LRMDA: variants seen among roughly 807,000 people sequenced by gnomAD.
LRMDA encodes the protein leucine-rich melanocyte differentiation-associated protein.
In LRMDA, 18 loss-of-function variants were observed where a neutral mutation model predicts 29.8. That is an observed-to-expected ratio of 0.60 (90% CI 0.42 to 0.90). LRMDA has a LOEUF of 0.90. Ranked by LOEUF, LRMDA falls within the 40% of genes least tolerant of loss-of-function variation. LRMDA has a pLI of 0.00. For synonymous variants in LRMDA, 125 were observed against 109.4 expected, an observed-to-expected ratio of 1.14 and a Z score of -0.89; for missense variants, 273 against 273.9, an observed-to-expected ratio of 1.00 and a Z score of 0.02.
At chr10:76,485,011 A>G (rs1170971935) in intron 6 of LRMDA, among the ~76,000 whole-genome samples, 1 of 151,346 alleles carries the variant, frequency 6.6e-6, no homozygotes, top group Non-Finnish European at 1.5e-5. Context: ...CCCATTTTCA[A>G]CCTGTTTCTG....
chr10:76,496,684 A>G (rs1655566767), intron 6 of LRMDA, among the ~76,000 whole-genome samples: 1 of 75,264 alleles, frequency 1.3e-5, no homozygotes, highest in African/African-American at 3.2e-5. Context: ...AAAGAGACAT[A>G]GGCCAAGTTA....
intron 2 of LRMDA, among the ~76,000 whole-genome samples, chr10:75,556,937 C>T (rs1410784000): frequency 6.6e-6 from 1 of 151,372 alleles, no homozygotes; most frequent in African/African-American, 2.4e-5. Context: ...AAATTCTAAA[C>T]TAAAATTCTA....
chr10:75,997,741 C>A (rs1248047026), intron 2 of LRMDA, among the ~76,000 whole-genome samples: 1 of 152,208 alleles, frequency 6.6e-6, no homozygotes, highest in Non-Finnish European at 1.5e-5. Flanking sequence ...AGGACAGCAC[C>A]TTGGCAAAGC....
At chr10:75,845,601 G>A (rs966630456) in intron 2 of LRMDA, among the ~76,000 whole-genome samples, 2 of 152,202 alleles carry the variant, frequency 1.3e-5, no homozygotes, top group African/African-American at 2.4e-5. Context: ...AGGATGCCAG[G>A]TAGCTGCAGA....
At chr10:76,456,440 A>T (rs1842457640) in intron 6 of LRMDA, among the ~76,000 whole-genome samples, 1 of 152,162 alleles carries the variant, frequency 6.6e-6, no homozygotes, top group Non-Finnish European at 1.5e-5. Flanking sequence ...GGACCACGTG[A>T]TGTGGCTCCA....
chr10:75,674,742 A>T (rs1000920360), intron 2 of LRMDA, among the ~76,000 whole-genome samples: 2 of 152,094 alleles, frequency 1.3e-5, no homozygotes, highest in African/African-American at 4.8e-5. Context: ...CTTTGCTTTT[A>T]TTAATTCTGC....
intron 5 of LRMDA, among the ~76,000 whole-genome samples, chr10:76,089,739 C>T (rs1849199274): frequency 1.3e-5 from 2 of 152,298 alleles, no homozygotes; most frequent in South Asian, 4.1e-4. Context: ...AGCCTCCCTC[C>T]CCATCTTTCA....
intron 2 of LRMDA, among the ~76,000 whole-genome samples, chr10:75,842,763 G>A (rs1241507528): frequency 6.6e-6 from 1 of 151,974 alleles, no homozygotes; most frequent in Non-Finnish European, 1.5e-5. Flanking sequence ...CATGGTGTCT[G>A]ACACCTATAA....
chr10:76,212,268 TAA>T (rs201037683), intron 5 of LRMDA, among the ~76,000 whole-genome samples: 2,538 of 108,174 alleles, frequency 0.023, 70 homozygotes, highest in African/African-American at 0.072. Flanking sequence ...CACACACACA[TAA>T]AAAAAAAAAA....
At chr10:76,292,284 T>C (rs1840351554) in intron 5 of LRMDA, among the ~76,000 whole-genome samples, 1 of 152,142 alleles carries the variant, frequency 6.6e-6, no homozygotes. Context: ...TCGAGGTGTA[T>C]ATCCACAGTT....
chr10:76,372,265 C>T (rs1451855848), intron 6 of LRMDA, among the ~76,000 whole-genome samples: 1 of 152,110 alleles, frequency 6.6e-6, no homozygotes, highest in Non-Finnish European at 1.5e-5. Flanking sequence ...GTACCATAGC[C>T]CTGATACTTT....
intron 5 of LRMDA, among the ~76,000 whole-genome samples, chr10:76,254,300 T>TACTATACCATACC (rs1852541192): frequency 2.2e-5 from 2 of 90,540 alleles, no homozygotes; most frequent in Admixed American, 2.2e-4. Context: ...TATACTATAC[T>TACTATACCATACC]ATACCATACC....
intron 2 of LRMDA, among the ~76,000 whole-genome samples, chr10:75,942,490 G>C (rs1212885590): frequency 6.6e-6 from 1 of 152,180 alleles, no homozygotes; most frequent in African/African-American, 2.4e-5. Flanking sequence ...AGCTGGTGAT[G>C]ATGGGCTCGG....
In LRMDA at chr10:75,772,561, G is replaced by A. The variant is rs1034440913; in HGVS notation, c.132-263447G>A. 2.0e-5 allele frequency among the ~76,000 whole-genome samples: 3 copies of A among 152,172 alleles called. 1 individual carries two copies. The highest frequency in any genetic ancestry group is 2.0e-4 in the Admixed American group (3 of 15,274). The stretch of plus-strand genomic sequence containing the variant: ...TGAATGCTACTTGGAAGAGAAGTTT[G>A]AGTGGGAACCGGTCAATTCGCTAAT... On this transcript the variant is annotated intron_variant, in intron 2 of 6. Transcript: ENST00000611255.
chr10:75,823,882 C>T (rs1239388674), intron 2 of LRMDA, among the ~76,000 whole-genome samples: 1 of 152,098 alleles, frequency 6.6e-6, no homozygotes, highest in African/African-American at 2.4e-5. Context: ...AGTGAAATGA[C>T]TCAGAAACAG....
chr10:75,851,514 G>GT (rs1247519623), intron 2 of LRMDA, among the ~76,000 whole-genome samples: 8 of 151,920 alleles, frequency 5.3e-5, no homozygotes, highest in Admixed American at 2.0e-4. Flanking sequence ...CAGCTGTTCA[G>GT]TTTTTTTTAT....
intron 6 of LRMDA, among the ~76,000 whole-genome samples, chr10:76,400,210 G>A (rs1346061571): frequency 6.6e-6 from 1 of 152,160 alleles, no homozygotes; most frequent in Non-Finnish European, 1.5e-5. Context: ...AGGAACTATG[G>A]CCCTCTACCC....
chr10:75,483,378 A>T (rs1844874075), intron 2 of LRMDA, among the ~76,000 whole-genome samples: 2 of 152,336 alleles, frequency 1.3e-5, no homozygotes, highest in African/African-American at 4.8e-5. Context: ...TTGGTTTAGG[A>T]GTTAATTTTG....
At chr10:76,265,965 A>T (rs1269215621) in intron 5 of LRMDA, among the ~76,000 whole-genome samples, 1 of 152,224 alleles carries the variant, frequency 6.6e-6, no homozygotes, top group Non-Finnish European at 1.5e-5. Flanking sequence ...CTAAGTGAGA[A>T]TGGATGATTG....
Sources: gnomAD v4.1 joint callset for allele counts (sites outside exome capture counted in the v4.1 genomes callset) on GRCh38, gnomAD v4.1.1 for gene constraint, MANE v1.5 for transcripts, NCBI Gene and HGNC (gene_info 2026-07-23, HGNC 2026-07-21) for gene names.